The following SPTBN1 variants were observed in gnomAD, a reference collection of about 807,000 sequenced individuals.
SPTBN1 encodes spectrin beta, non-erythrocytic 1.
A neutral mutation model predicts 266.4 loss-of-function variants in SPTBN1; 32 were observed. The observed-to-expected ratio is 0.12, with a 90% CI of 0.09 to 0.16. SPTBN1 has a LOEUF of 0.16. Ranked by LOEUF, SPTBN1 falls within the 10% of genes least tolerant of loss-of-function variation. The pLI, the probability that SPTBN1 is intolerant of heterozygous loss-of-function variation, is 1.00. For synonymous variants in SPTBN1, 1,336 were observed against 1,162.2 expected, an observed-to-expected ratio of 1.15 and a Z score of -3.04; for missense variants, 2,296 against 3,067.1, an observed-to-expected ratio of 0.75 and a Z score of 5.94.
At chr2:54,535,167 G>A (rs1372583498) in intron 2 of SPTBN1, 1 of 152,260 alleles carries the variant, frequency 6.6e-6, no homozygotes, top group African/African-American at 2.4e-5. Context: ...AAAAATGTAT[G>A]TGACCTTTCT....
At chr2:54,652,154 GTGTATGCCT>G (rs1397442754) in intron 26 of SPTBN1, among the ~76,000 whole-genome samples, 10 of 152,228 alleles carry the variant, frequency 6.6e-5, no homozygotes, top group Middle Eastern at 3.4e-3. Context: ...TCCCCTATAT[GTGTATGCCT>G]TTAATTAGAC....
chr2:54,505,491 A>G (rs763008408), intron 1 of SPTBN1, among the ~76,000 whole-genome samples: 1 of 152,020 alleles, frequency 6.6e-6, no homozygotes, highest in Non-Finnish European at 1.5e-5. Flanking sequence ...GTACCTCCTA[A>G]CCCCTAGCCA....
chr2:54,615,247 A>G (rs1677521434), intron 4 of SPTBN1, among the ~76,000 whole-genome samples: 1 of 152,076 alleles, frequency 6.6e-6, no homozygotes, highest in African/African-American at 2.4e-5. Context: ...TGTTTTTCAA[A>G]AAGAATTCTG....
chr2:54,616,210 C>T lies in SPTBN1; in HGVS notation c.478C>T (p.Gln160Ter). Residue 160 changes from glutamine (Q) to a stop codon, truncating the protein, a stop_gained, in exon 5 of 36, where the codon CAG becomes TAG. Coordinates refer to ENST00000356805, the MANE Select transcript of SPTBN1 (RefSeq NM_003128.3). LOFTEE classifies it high-confidence loss of function. ...AATATTTCTTTGTAAATCTTAGATC[C>T]AGGATATCAGTGTGGAAACTGAAGA... Reference protein sequence around the residue: ...IWTIILRFQIQDISVETEDNK... With the variant: ...IWTIILRFQI 1 of 1,612,960 alleles carries T rather than the reference C, an allele frequency of 6.2e-7. No individual in the cohort carries two copies. The highest frequency in any genetic ancestry group is 8.5e-7 in the Non-Finnish European group (1 of 1,179,256).
intron 1 of SPTBN1, among the ~76,000 whole-genome samples, chr2:54,521,648 G>A (rs901405930): frequency 1.3e-5 from 2 of 151,928 alleles, no homozygotes; most frequent in African/African-American, 4.8e-5. Flanking sequence ...CAAGTAGCTG[G>A]GACTACGGGC....
At chr2:54,479,345 C>G (rs1208133982) in intron 1 of SPTBN1, among the ~76,000 whole-genome samples, 1 of 152,136 alleles carries the variant, frequency 6.6e-6, no homozygotes, top group Non-Finnish European at 1.5e-5. Context: ...ATAAATAAAT[C>G]CCATTGTTCC....
intron 8 of SPTBN1, 136 bp from the exon 9 acceptor site, chr2:54,622,164 C>T (rs1025002591): frequency 1.2e-5 from 10 of 815,284 alleles, no homozygotes; most frequent in Admixed American, 1.1e-4. Flanking sequence ...TGCCCAGGTA[C>T]AGCTGAACTG....
At chr2:54,555,581 C>A (rs573721588) in intron 2 of SPTBN1, among the ~76,000 whole-genome samples, 1 of 152,188 alleles carries the variant, frequency 6.6e-6, no homozygotes, top group Non-Finnish European at 1.5e-5. Flanking sequence ...TCCTTTCTGC[C>A]CATTCTTACA....
At chr2:54,563,964 A>G (rs1023574587) in intron 2 of SPTBN1, among the ~76,000 whole-genome samples, 1 of 152,194 alleles carries the variant, frequency 6.6e-6, no homozygotes, top group Non-Finnish European at 1.5e-5. Context: ...CTAGCTTTCC[A>G]GAATTCAGGT....
chr2:54,629,628 A>G lies in SPTBN1; in HGVS notation c.2494A>G (p.Lys832Glu). ...GCTGTCGGGCATCGAGGAGCGGTAT[A>G]AGGAGGTGGCAGAGCTGACGCGGCT... ...GRLSGIEERY[K>E]EVAELTRLRK... The change falls in exon 14 of 36, where the codon AAG (lysine) becomes GAG (glutamate). Residue 832 changes from lysine (K) to glutamate (E), a missense_variant. By Grantham distance (56) the Lys-to-Glu change is moderately conservative. Transcript: ENST00000356805. 2 of 1,613,928 alleles carry G rather than the reference A, an allele frequency of 1.2e-6. No individual in the cohort carries two copies. Among genetic ancestry groups the G allele is most frequent in the East Asian group, 4.5e-5 (2 of 44,886 alleles).
chr2:54,653,463 G>T lies in SPTBN1; in HGVS notation c.5578-146G>T. 1 of 1,326,412 alleles carries T rather than the reference G, an allele frequency of 7.5e-7. No individual in the cohort carries two copies. Among genetic ancestry groups the T allele is most frequent in the Admixed American group, 2.6e-5 (1 of 38,806 alleles). The allele number at this position is 1,326,412 out of a possible 1,614,324, so 82.2% of individuals were successfully genotyped here. A position where few individuals can be genotyped will look rare whatever the true frequency, so the allele number is the denominator to read the frequency against. ...GGTTTTTGTGACTTGGATCTCCCCA[G>T]TGAAATTGAGGGCTCCTTAAGGGGC... On this transcript the variant is annotated intron_variant, in intron 26 of 35. Coordinates refer to ENST00000356805, the MANE Select transcript of SPTBN1 (RefSeq NM_003128.3). This position sits in a 1 kb window ranked among gnomAD's most constrained non-coding sequence, Gnocchi z 5.1.
chr2:54,600,091 C>T (rs1013774162), intron 3 of SPTBN1, among the ~76,000 whole-genome samples: 1 of 152,192 alleles, frequency 6.6e-6, no homozygotes, highest in African/African-American at 2.4e-5. Flanking sequence ...GTTGGCAGGG[C>T]TGCCAGAAAG....
Position 54,624,934 on chromosome 2 carries a change from T to A in SPTBN1, c.1313T>A (p.Leu438Gln), listed in dbSNP as rs1161479264. 1 of 1,608,540 alleles carries A rather than the reference T, an allele frequency of 6.2e-7. No individual in the cohort carries two copies. Among genetic ancestry groups the A allele is most frequent in the Admixed American group, 1.7e-5 (1 of 58,892 alleles). ...AAGGCAGCTATGAGGGAGACTTGGC[T>A]GAGCGAAAACCAGCGTCTGGTGTCT... ...DRKAAMRETW[L>Q]SENQRLVSQD... The change falls in exon 11 of 36, where the codon CTG becomes CAG. Residue 438 changes from leucine to glutamine, a missense_variant. Leu to Gln is a moderately radical substitution (Grantham distance 113). This residue lies in a region of SPTBN1 where 148 missense variants were observed against 203.8 expected (regional missense o/e 0.73). Coordinates refer to ENST00000356805, the MANE Select transcript of SPTBN1 (RefSeq NM_003128.3).
At chr2:54,498,810 T>TG (rs1204059247) in intron 1 of SPTBN1, among the ~76,000 whole-genome samples, 1 of 152,208 alleles carries the variant, frequency 6.6e-6, no homozygotes, top group East Asian at 1.9e-4. Flanking sequence ...TTATGCCAAA[T>TG]GCTGTGTTGG....
intron 3 of SPTBN1, 49 bp from the exon 4 acceptor site, chr2:54,612,112 C>T (rs1463393906): frequency 1.6e-5 from 25 of 1,520,920 alleles, no homozygotes; most frequent in Non-Finnish European, 2.2e-5. Context: ...CGGGGTTCAT[C>T]TCTACTCTGT....
chr2:54,535,647 T>C (rs1467131970), intron 2 of SPTBN1, among the ~76,000 whole-genome samples: 1 of 152,252 alleles, frequency 6.6e-6, no homozygotes, highest in Non-Finnish European at 1.5e-5. Flanking sequence ...GAAAATACTC[T>C]GTAAAAGCTA....
chr2:54,628,807 T>A lies in SPTBN1; in HGVS notation c.1799-126T>A. The stretch of plus-strand genomic sequence containing the variant: ...GCTCCATTGCCTTATCGCATGGCCC[T>A]GCATTTACATTTAGCAGTGAGCTGG... On this transcript the variant is annotated intron_variant, in intron 13 of 35. Transcript: ENST00000356805. This position sits in a 1 kb window ranked among gnomAD's most constrained non-coding sequence, Gnocchi z 4.3. 7.9e-7 allele frequency: 1 copy of A among 1,270,902 alleles called. No individual in the cohort carries two copies. The highest frequency in any genetic ancestry group is 1.5e-5 in the South Asian group (1 of 66,234). The allele number at this position is 1,270,902 out of a possible 1,614,324, so 78.7% of individuals were successfully genotyped here.
At chr2:54,476,388 C>G (rs1314141921) in intron 1 of SPTBN1, among the ~76,000 whole-genome samples, 2 of 152,168 alleles carry the variant, frequency 1.3e-5, no homozygotes, top group African/African-American at 4.8e-5. Context: ...ATGGTCGAAT[C>G]CAGCATTTCC....
intron 1 of SPTBN1, among the ~76,000 whole-genome samples, chr2:54,521,971 C>T (rs946326534): frequency 1.3e-5 from 2 of 152,030 alleles, no homozygotes; most frequent in Non-Finnish European, 2.9e-5. Context: ...AGTTATGGTT[C>T]ACTGCAACCT....
Sources: gnomAD v4.1 joint callset for allele counts (sites outside exome capture counted in the v4.1 genomes callset) on GRCh38, gnomAD v4.1.1 for gene constraint, gnomAD v4.1.1 regional missense constraint, Gnocchi (gnomAD v3.1) non-coding constraint, MANE v1.5 for transcripts, NCBI Gene and HGNC (gene_info 2026-07-23, HGNC 2026-07-21) for gene names.